Variants in ESF1 observed in about 807,000 individuals in gnomAD.
The protein encoded by ESF1 is ESF1 nucleolar pre-rRNA processing protein, also known as ESF1 homolog.
ESF1 carries 58 observed loss-of-function variants against 92.0 expected under a neutral mutation model. The observed-to-expected ratio is 0.63, with a 90% CI of 0.51 to 0.78. ESF1 has a LOEUF of 0.78. Ranked by LOEUF, ESF1 falls within the 30% of genes least tolerant of loss-of-function variation. The pLI, the probability that ESF1 is intolerant of heterozygous loss-of-function variation, is 0.00. For synonymous variants in ESF1, 321 were observed against 313.7 expected (o/e 1.02, Z -0.24); for missense variants, 922 against 989.1 (o/e 0.93, Z 0.91).
chr20:13,734,892 T>G (rs1318067639), intron 9 of ESF1, among the ~76,000 whole-genome samples: 2 of 152,118 alleles, frequency 1.3e-5, no homozygotes, highest in Non-Finnish European at 2.9e-5. Flanking sequence ...CTGAGAACAT[T>G]TAGCAATTTG....
rs888967158 is a variant in ESF1, at chr20:13,783,057, C to T, written c.84G>A (p.Lys28=). The T allele has an allele frequency of 5.0e-6, 8 of 1,613,800 alleles. No individual in the cohort carries two copies. The highest frequency in any genetic ancestry group is 1.7e-5 in the Admixed American group (1 of 60,008). Residue 28 remains lysine (K), a synonymous_variant, in exon 2 of 14, where the codon AAG becomes AAA. Coordinates refer to ENST00000617257, the MANE Select transcript of ESF1 (RefSeq NM_001276380.2). The part of the protein sequence containing the change: ...KDPRFWEMPE[K]DRKVKIDKRF... ...TCTTGTCAATTTTGACTTTTCGATCCTTTTCTGGCATTTCCCAAAATCTCG... is the reference window on the plus strand; with the variant it reads ...TCTTGTCAATTTTGACTTTTCGATCTTTTTCTGGCATTTCCCAAAATCTCG...
At chr20:13,742,039 G>A (rs1413731045) in intron 9 of ESF1, among the ~76,000 whole-genome samples, 1 of 152,252 alleles carries the variant, frequency 6.6e-6, no homozygotes, top group Admixed American at 6.5e-5. Flanking sequence ...TACTGCTGGT[G>A]GAAATGTCAA....
intron 9 of ESF1, among the ~76,000 whole-genome samples, chr20:13,759,150 T>C (rs1241484229): frequency 6.6e-6 from 1 of 152,256 alleles, no homozygotes; most frequent in Non-Finnish European, 1.5e-5. Flanking sequence ...AACTGCTGTT[T>C]ACTACAGAAT....
chr20:13,721,293 T>C (rs2049866561), intron 11 of ESF1, among the ~76,000 whole-genome samples: 1 of 152,166 alleles, frequency 6.6e-6, no homozygotes, highest in Non-Finnish European at 1.5e-5. Flanking sequence ...AAATGTTAAC[T>C]GAGCACTTAT....
intron 9 of ESF1, among the ~76,000 whole-genome samples, chr20:13,746,302 A>T (rs2050047956): frequency 6.6e-6 from 1 of 152,142 alleles, no homozygotes; most frequent in Non-Finnish European, 1.5e-5. Context: ...ACACACTTTA[A>T]TATATAAATA....
At chr20:13,732,016 T>C in intron 10 of ESF1, among the ~76,000 whole-genome samples, 1 of 152,194 alleles carries the variant, frequency 6.6e-6, no homozygotes, top group South Asian at 2.1e-4. Context: ...AGCAAATGTG[T>C]GTAAATGTTT....
Position 13,772,568 on chromosome 20 carries a change from A to T in ESF1, c.1197T>A (p.Val399=). 6.2e-7 allele frequency: 1 copy of T among 1,613,096 alleles called. No individual in the cohort carries two copies. Residue 399 remains valine, a synonymous_variant, in exon 5 of 14, where the codon GTT becomes GTA. Coordinates refer to ENST00000617257, the MANE Select transcript of ESF1 (RefSeq NM_001276380.2). ...FGKERMKEEQ[V]QGPVELLSIP... ...TACTTAATAGCTCTACTGGTCCTTG[A>T]ACTTGCTCTTCCTTCATCCTCTCCT...
At chr20:13,770,076 T>C in intron 6 of ESF1, 55 bp from the exon 7 acceptor site, 3 of 1,001,492 alleles carry the variant, frequency 3.0e-6, no homozygotes, top group East Asian at 2.4e-5. Flanking sequence ...ATAACCACAG[T>C]TTAGATTCTC....
intron 9 of ESF1, among the ~76,000 whole-genome samples, chr20:13,745,451 T>C (rs1462483207): frequency 2.0e-5 from 3 of 152,178 alleles, no homozygotes; most frequent in African/African-American, 7.2e-5. Flanking sequence ...GAATGTTTAA[T>C]TTTATTTTTT....
chr20:13,733,593 A>C (rs1029385143), intron 10 of ESF1, 128 bp downstream of exon 10: 1 of 973,114 alleles, frequency 1.0e-6, no homozygotes, highest in African/African-American at 1.6e-5. Flanking sequence ...TCTTTCTTAA[A>C]ATTGGGATGA....
Position 13,775,196 on chromosome 20 carries a change from A to G in ESF1, c.1110T>C (p.Asn370=). 1 of 1,609,832 alleles carries G rather than the reference A, an allele frequency of 6.2e-7. No individual in the cohort carries two copies. The highest frequency in any genetic ancestry group is 8.5e-7 in the Non-Finnish European group (1 of 1,178,792). ...TTACACCTCCTTTGGGTTTAAATGAATTGAACAGAGCCAGCAAATCTTTTG... is the reference window on the plus strand; with the variant it reads ...TTACACCTCCTTTGGGTTTAAATGAGTTGAACAGAGCCAGCAAATCTTTTG... ...LKAKDLLALF[N]SFKPKGGVIF... Residue 370 remains asparagine (N), a synonymous_variant, in exon 4 of 14, where the codon AAT becomes AAC. Transcript: ENST00000617257.
rs747537070 is a variant in ESF1 at position 13,776,257 on chromosome 20, T to G, written c.651A>C (p.Ile217=). 1.2e-5 allele frequency: 19 copies of G among 1,611,928 alleles called. No homozygotes were observed. The Admixed American group carries it at 2.0e-4, about 17-fold the overall frequency. Residue 217 remains isoleucine, a synonymous_variant, in exon 3 of 14, where the codon ATA becomes ATC. Transcript: ENST00000617257. Reference sequence around the variant, plus strand: ...CATAACCATCACTGTCTCTTGTCATTATGAGTTGAACCACTGCAAAATGTT... The same window carrying G: ...CATAACCATCACTGTCTCTTGTCATGATGAGTTGAACCACTGCAAAATGTT... ...RREMQSVVQL[I]MTRDSDGYEN...
chr20:13,748,132 C>T lies in ESF1; in HGVS notation c.1828+11560G>A, dbSNP rs184035255. 3.0e-4 allele frequency among the ~76,000 whole-genome samples: 45 copies of T among 152,298 alleles called. No individual in the cohort carries two copies. The East Asian group carries it at 7.3e-3, about 25-fold the overall frequency. On this transcript the variant is annotated intron_variant, in intron 9 of 13. Coordinates refer to ENST00000617257, the MANE Select transcript of ESF1 (RefSeq NM_001276380.2). The stretch of plus-strand genomic sequence containing the variant: ...TGAAATGTCGTTATACAGGGTATGA[C>T]TGCATTTTCCATAGCTTGCCTTATA...
chr20:13,728,550 T>G lies in ESF1; in HGVS notation c.1951-85A>C. On this transcript the variant is annotated intron_variant, in intron 10 of 13. Coordinates refer to ENST00000617257, the MANE Select transcript of ESF1 (RefSeq NM_001276380.2). ...TACCAAGAAAAACTATGCATTTCTTTTAAACCAAGTAGTTCAATCTAAAAG... is the reference window on the plus strand; with the variant it reads ...TACCAAGAAAAACTATGCATTTCTTGTAAACCAAGTAGTTCAATCTAAAAG... The G allele has an allele frequency of 3.8e-6, 4 of 1,058,460 alleles. No homozygotes were observed. In the South Asian group the frequency reaches 6.3e-5, roughly 17 times the overall value. 65.6% of individuals were successfully genotyped at this position (1,058,460 alleles called of 1,614,324 possible).
intron 9 of ESF1, among the ~76,000 whole-genome samples, chr20:13,750,728 C>T (rs1027707158): frequency 3.3e-5 from 5 of 152,176 alleles, no homozygotes; most frequent in Admixed American, 3.3e-4. Context: ...CCTGCAATTC[C>T]AGCGCTTTGG....
At chr20:13,745,798 G>A (rs2050044488) in intron 9 of ESF1, among the ~76,000 whole-genome samples, 1 of 152,018 alleles carries the variant, frequency 6.6e-6, no homozygotes, top group Non-Finnish European at 1.5e-5. Flanking sequence ...ATACACAGAG[G>A]ATGCTTTTAT....
intron 5 of ESF1, 48 bp downstream of exon 5, chr20:13,772,467 G>A (rs1979731349): frequency 7.4e-7 from 1 of 1,349,954 alleles, no homozygotes; most frequent in African/African-American, 1.4e-5. Flanking sequence ...CTGAACTAAT[G>A]ACATGAATTT....
intron 9 of ESF1, among the ~76,000 whole-genome samples, chr20:13,755,322 C>T (rs530332508): frequency 6.6e-6 from 1 of 152,148 alleles, no homozygotes; most frequent in South Asian, 2.1e-4. Context: ...AACAAACATG[C>T]CATTATTTAT....
intron 11 of ESF1, among the ~76,000 whole-genome samples, chr20:13,724,454 T>C (rs2049888211): frequency 6.6e-6 from 1 of 152,150 alleles, no homozygotes; most frequent in Non-Finnish European, 1.5e-5. Flanking sequence ...TGGGAATCCA[T>C]TTCCCTGAGG....
Sources: gnomAD v4.1 joint callset for allele counts (sites outside exome capture counted in the v4.1 genomes callset) on GRCh38, gnomAD v4.1.1 for gene constraint, MANE v1.5 for transcripts, NCBI Gene and HGNC (gene_info 2026-07-23, HGNC 2026-07-21) for gene names.